Variants in PSEN1 observed in about 807,000 individuals in gnomAD.
The protein encoded by PSEN1 is presenilin 1.
A neutral mutation model predicts 53.5 loss-of-function variants in PSEN1; 15 were observed. That is an observed-to-expected ratio of 0.28 (90% CI 0.19 to 0.43). PSEN1 has a LOEUF of 0.43. Among genes scored for constraint, PSEN1 ranks in the 20% least tolerant of loss-of-function variants. The probability of loss-of-function intolerance (pLI) is 1.00; values close to 1 mark genes in which losing one functional copy is unlikely to be tolerated. For missense variants in PSEN1, 387 were observed against 571.2 expected (o/e 0.68, Z 3.29); for synonymous variants, 208 against 209.8 (o/e 0.99, Z 0.08).
At chr14:73,197,296 G>A (rs572786054) in intron 7 of PSEN1, among the ~76,000 whole-genome samples, 1 of 152,238 alleles carries the variant, frequency 6.6e-6, no homozygotes, top group East Asian at 1.9e-4. Flanking sequence ...AGAAATGGTG[G>A]TATAAACAGG....
chr14:73,162,446 C>T (rs892823522), intron 3 of PSEN1, among the ~76,000 whole-genome samples: 16 of 141,922 alleles, frequency 1.1e-4, no homozygotes, highest in African/African-American at 3.6e-4. Context: ...CTCGCTCGCG[C>T]GCTCTCTCTC....
At chr14:73,186,310 C>T (rs903029531) in intron 5 of PSEN1, among the ~76,000 whole-genome samples, 1 of 151,742 alleles carries the variant, frequency 6.6e-6, no homozygotes, top group African/African-American at 2.4e-5. Context: ...ACCCTGGAGG[C>T]GGAGGTTGCG....
In PSEN1 at chr14:73,170,829, C is replaced by A; in HGVS notation, c.120C>A (p.Asp40Glu). The A allele has an allele frequency of 6.2e-7, 1 of 1,614,168 alleles. No individual in the cohort carries two copies. Among genetic ancestry groups the A allele is most frequent in the Non-Finnish European group, 8.5e-7 (1 of 1,180,010 alleles). Residue 40 changes from aspartate (D) to glutamate (E), a missense_variant, in exon 4 of 12, where the codon GAC becomes GAA. Asp to Glu is a conservative substitution (Grantham distance 45). Around this residue, in one of 4 missense-constraint regions of PSEN1, gnomAD observed 99 missense variants for 101.5 expected, o/e 0.98. Coordinates refer to ENST00000324501, the MANE Select transcript of PSEN1 (RefSeq NM_000021.4). Reference protein sequence around the residue: ...NDNRERQEHNDRRSLGHPEPL... With the variant: ...NDNRERQEHNERRSLGHPEPL... ...ATAGAGAACGGCAGGAGCACAACGA[C>A]AGACGGAGCCTTGGCCACCCTGAGC...
In PSEN1 at chr14:73,171,063, G is replaced by A. The variant is rs780796290; in HGVS notation, c.338+16G>A. The A allele has an allele frequency of 2.5e-6, 4 of 1,613,760 alleles. No individual in the cohort carries two copies. In the Admixed American group the frequency reaches 5.0e-5, roughly 20 times the overall value. ...ATGGGCAGCTGTACGTATGAGTTTTGTTTTATTATTCTCAAAGCCAGTGTG... is the reference window on the plus strand; with the variant it reads ...ATGGGCAGCTGTACGTATGAGTTTTATTTTATTATTCTCAAAGCCAGTGTG... On this transcript the variant is annotated intron_variant, in intron 4 of 11. Coordinates refer to ENST00000324501, the MANE Select transcript of PSEN1 (RefSeq NM_000021.4).
chr14:73,195,233 C>T (rs568681560), intron 7 of PSEN1, among the ~76,000 whole-genome samples: 2 of 152,264 alleles, frequency 1.3e-5, no homozygotes, highest in South Asian at 2.1e-4. Context: ...AGTGCAGTGG[C>T]GTGATCTCAG....
intron 5 of PSEN1, 165 bp downstream of exon 5, chr14:73,173,872 C>T (rs1408425110): frequency 2.3e-6 from 2 of 877,782 alleles, no homozygotes; most frequent in Non-Finnish European, 3.7e-6. Context: ...TCAAAAAATA[C>T]AAAAAGGAAG....
At chr14:73,164,728 A>C (rs2140020370) in intron 3 of PSEN1, among the ~76,000 whole-genome samples, 1 of 152,342 alleles carries the variant, frequency 6.6e-6, no homozygotes, top group African/African-American at 2.4e-5. Context: ...AGATATGATA[A>C]CATAAGTTAG....
chr14:73,188,360 A>G (rs913494388), intron 6 of PSEN1, among the ~76,000 whole-genome samples: 1 of 152,242 alleles, frequency 6.6e-6, no homozygotes, highest in African/African-American at 2.4e-5. Flanking sequence ...AGATTCCTTA[A>G]TAAATAGACG....
chr14:73,218,596 A>C (rs1566657463), intron 11 of PSEN1, among the ~76,000 whole-genome samples: 1 of 152,154 alleles, frequency 6.6e-6, no homozygotes, highest in Non-Finnish European at 1.5e-5. Context: ...TAAACACTGC[A>C]GCCTCATCAT....
chr14:73,218,902 G>C (rs1900036844), intron 11 of PSEN1, among the ~76,000 whole-genome samples: 1 of 151,998 alleles, frequency 6.6e-6, no homozygotes, highest in Admixed American at 6.5e-5. Context: ...TTCTTTACTA[G>C]AATTAAGGGA....
intron 5 of PSEN1, among the ~76,000 whole-genome samples, chr14:73,185,606 C>T (rs968001581): frequency 2.4e-4 from 37 of 151,504 alleles, no homozygotes; most frequent in Admixed American, 1.4e-3. Context: ...AGAGGGAGAC[C>T]GTGGGGAGAG....
At chr14:73,215,991 T>C (rs1899897302) in intron 10 of PSEN1, among the ~76,000 whole-genome samples, 2 of 151,962 alleles carry the variant, frequency 1.3e-5, no homozygotes, top group Non-Finnish European at 2.9e-5. Context: ...CACAGAGACA[T>C]GGACATAAAT....
At chr14:73,206,950 A>G (rs563989315) in intron 9 of PSEN1, among the ~76,000 whole-genome samples, 54 of 152,302 alleles carry the variant, frequency 3.5e-4, no homozygotes, top group African/African-American at 1.1e-3. Flanking sequence ...CTGAAATATG[A>G]TTTGAGATGT....
At chr14:73,186,731 C>A in intron 5 of PSEN1, 122 bp from the exon 6 acceptor site, 1 of 807,398 alleles carries the variant, frequency 1.2e-6, no homozygotes, top group Non-Finnish European at 2.2e-6. Context: ...GAGCTGAGAT[C>A]GTGCCACTGC....
At chr14:73,184,082 G>C (rs1898339660) in intron 5 of PSEN1, among the ~76,000 whole-genome samples, 1 of 134,738 alleles carries the variant, frequency 7.4e-6, no homozygotes, top group East Asian at 2.2e-4. Context: ...TCCCAGACGG[G>C]GCGGCTGGCC....
At chr14:73,190,527 G>C (rs1898676332) in intron 6 of PSEN1, among the ~76,000 whole-genome samples, 1 of 151,134 alleles carries the variant, frequency 6.6e-6, no homozygotes, top group South Asian at 2.1e-4. Flanking sequence ...TATCATTTGT[G>C]TCAAGTAGAA....
intron 5 of PSEN1, among the ~76,000 whole-genome samples, chr14:73,181,670 A>G (rs1342532980): frequency 6.6e-6 from 1 of 152,220 alleles, no homozygotes; most frequent in Non-Finnish European, 1.5e-5. Flanking sequence ...CATTTGTGAA[A>G]GCAGAATGTA....
chr14:73,149,321 G>GTT (rs562425953), intron 3 of PSEN1, among the ~76,000 whole-genome samples: 1 of 144,888 alleles, frequency 6.9e-6, no homozygotes, highest in Non-Finnish European at 1.5e-5. Context: ...GAGGTTCTGT[G>GTT]TTTTTTTTTT....
intron 1 of PSEN1, among the ~76,000 whole-genome samples, chr14:73,140,093 A>G (rs1896875711): frequency 6.6e-6 from 1 of 152,160 alleles, no homozygotes; most frequent in African/African-American, 2.4e-5. Flanking sequence ...GAAATTAAAT[A>G]ACTTATTGGG....
Sources: allele counts gnomAD v4.1 joint callset (sites outside exome capture counted in the v4.1 genomes callset), GRCh38; gene constraint gnomAD v4.1.1; regional missense constraint gnomAD v4.1.1; transcripts MANE v1.5; gene names NCBI Gene and HGNC (gene_info 2026-07-23, HGNC 2026-07-21).